The following MROH9 variants were observed in gnomAD, a reference collection of about 807,000 sequenced individuals.
MROH9 encodes maestro heat like repeat family member 9.
In MROH9, 92 loss-of-function variants were observed where a neutral mutation model predicts 98.2. The ratio of observed to expected loss-of-function variants is 0.94; its 90% CI spans 0.79 to 1.11. The LOEUF (loss-of-function observed/expected upper bound fraction) is 1.11. MROH9 is among the 50% of genes most tolerant of loss of function. MROH9 has a pLI of 0.00. For missense variants in MROH9, 1,057 were observed against 1,014.8 expected (o/e 1.04, Z -0.57); for synonymous variants, 397 against 368.9 (o/e 1.08, Z -0.87).
chr1:170,999,245 G>C lies in MROH9; in HGVS notation c.1596+971G>C, dbSNP rs561483394. Among the ~76,000 whole-genome samples the C allele has an allele frequency of 2.0e-5, 3 of 152,080 alleles. No homozygotes were observed. The South Asian group carries it at 6.2e-4, about 32-fold the overall frequency. ...TAAATTCTTTAGTGGTGATTTGTGA[G>C]ATTTTGATGCACCCATCACCTGAGC... is the stretch of plus-strand genomic sequence containing the variant. On this transcript the variant is annotated intron_variant, in intron 15 of 21. Coordinates refer to ENST00000367759, the MANE Select transcript of MROH9 (RefSeq NM_001163629.2).
intron 20 of MROH9, among the ~76,000 whole-genome samples, chr1:171,032,241 A>G (rs1652941167): frequency 6.6e-6 from 1 of 152,172 alleles, no homozygotes; most frequent in Non-Finnish European, 1.5e-5. Context: ...TTAGTGCAGC[A>G]TAGTTTTTTA....
chr1:170,962,224 T>A (rs11484829), intron 6 of MROH9, among the ~76,000 whole-genome samples: 13,389 of 152,142 alleles, frequency 0.088, 1,859 homozygotes, highest in African/African-American at 0.3. Flanking sequence ...CATGTGGTGA[T>A]ATATGGGTGA....
chr1:170,990,081 T>A (rs1651297732), intron 11 of MROH9, 78 bp downstream of exon 11: 6 of 1,421,894 alleles, frequency 4.2e-6, no homozygotes, highest in South Asian at 1.5e-5. Context: ...TGGGTTCAAC[T>A]CTCAATCTAC....
intron 5 of MROH9, among the ~76,000 whole-genome samples, chr1:170,960,346 A>C (rs1331655820): frequency 2.0e-5 from 3 of 152,202 alleles, no homozygotes; most frequent in African/African-American, 7.2e-5. Flanking sequence ...ACTGGTGAAG[A>C]CCACTCTGGT....
chr1:170,989,164 C>G (rs1651258715), intron 10 of MROH9, among the ~76,000 whole-genome samples: 1 of 151,878 alleles, frequency 6.6e-6, no homozygotes, highest in Non-Finnish European at 1.5e-5. Context: ...AATTTATGAT[C>G]CAGGATCACA....
intron 1 of MROH9, among the ~76,000 whole-genome samples, chr1:170,939,847 G>A (rs1649051972): frequency 1.3e-5 from 2 of 152,172 alleles, no homozygotes; most frequent in Non-Finnish European, 2.9e-5. Context: ...CTAACTATCT[G>A]CAGAGGAGAG....
At chr1:170,940,889 G>A (rs60448782) in intron 1 of MROH9, among the ~76,000 whole-genome samples, 8,996 of 152,038 alleles carry the variant, frequency 0.059, 870 homozygotes, top group African/African-American at 0.2. Context: ...GGCTTTTCTC[G>A]CCATAATATC....
chr1:170,992,234 T>G lies in MROH9; in HGVS notation c.1099T>G (p.Leu367Val). ...SVAPHVLKTI[L>V]LILKGKPGEM... ...GGCCCCTCACGTGCTGAAGACAATC[T>G]TATTGATACTGAAAGGAAAGCCTGG... is the stretch of plus-strand genomic sequence containing the variant. The change falls in exon 12 of 22, where the codon TTA becomes GTA. Residue 367 changes from leucine to valine, a missense_variant. By Grantham distance (32) the Leu-to-Val change is conservative (BLOSUM62 1). Coordinates refer to ENST00000367759, the MANE Select transcript of MROH9 (RefSeq NM_001163629.2). The G allele has an allele frequency of 1.2e-6, 2 of 1,613,588 alleles. No individual in the cohort carries two copies. Among genetic ancestry groups the G allele is most frequent in the African/African-American group, 1.3e-5 (1 of 75,008 alleles).
intron 17 of MROH9, among the ~76,000 whole-genome samples, chr1:171,021,411 T>G (rs188931114): frequency 4.0e-4 from 61 of 151,978 alleles, no homozygotes; most frequent in African/African-American, 1.4e-3. Context: ...CCAAAACAGG[T>G]ATATAGACCA....
chr1:171,036,270 T>G (rs1653095335), intron 20 of MROH9, among the ~76,000 whole-genome samples: 1 of 152,154 alleles, frequency 6.6e-6, no homozygotes, highest in Non-Finnish European at 1.5e-5. Flanking sequence ...TAATGTCTTG[T>G]GTCTTGACCT....
At chr1:170,978,007 G>A (rs1196247256) in intron 8 of MROH9, among the ~76,000 whole-genome samples, 1 of 152,178 alleles carries the variant, frequency 6.6e-6, no homozygotes, top group Non-Finnish European at 1.5e-5. Flanking sequence ...TGCAGATTAG[G>A]TATTTACAGT....
At chr1:171,058,250 A>G (rs1317876574) in intron 20 of MROH9, among the ~76,000 whole-genome samples, 1 of 152,082 alleles carries the variant, frequency 6.6e-6, no homozygotes, top group Non-Finnish European at 1.5e-5. Context: ...ATCACTACAA[A>G]GAGAATAAAA....
At chr1:170,942,365 GTAGACACA>G (rs1285178853) in intron 1 of MROH9, among the ~76,000 whole-genome samples, 1 of 112,526 alleles carries the variant, frequency 8.9e-6, no homozygotes, top group Non-Finnish European at 1.8e-5. Context: ...GCAATGTAGA[GTAGACACA>G]CACACACACA....
intron 20 of MROH9, among the ~76,000 whole-genome samples, chr1:171,057,992 C>A (rs532102670): frequency 1.3e-5 from 2 of 152,086 alleles, no homozygotes; most frequent in East Asian, 1.9e-4. Context: ...AAAATATATT[C>A]TTTCAGGCAA....
intron 7 of MROH9, among the ~76,000 whole-genome samples, chr1:170,967,313 A>G (rs1212368958): frequency 6.6e-6 from 1 of 152,178 alleles, no homozygotes; most frequent in Admixed American, 6.6e-5. Context: ...AGCTCATCAC[A>G]ATCAGGGAAG....
chr1:171,002,868 C>T (rs1006913453), intron 15 of MROH9, among the ~76,000 whole-genome samples: 2 of 152,036 alleles, frequency 1.3e-5, no homozygotes, highest in Non-Finnish European at 2.9e-5. Flanking sequence ...TTAGAATTGT[C>T]TTCTTCCTCA....
At chr1:171,055,540 T>C (rs1307373731) in intron 20 of MROH9, among the ~76,000 whole-genome samples, 3 of 147,270 alleles carry the variant, frequency 2.0e-5, no homozygotes, top group Admixed American at 6.9e-5. Flanking sequence ...GTAGAATCGC[T>C]AGAATCTGGG....
intron 17 of MROH9, among the ~76,000 whole-genome samples, chr1:171,020,150 G>T (rs1162810352): frequency 2.6e-5 from 4 of 151,958 alleles, no homozygotes; most frequent in Non-Finnish European, 5.9e-5. Context: ...AAAAAGCTCA[G>T]GACCAGGATT....
At position 170,992,313 on chromosome 1, in the gene MROH9, A is replaced by C. The variant is rs374769248; in HGVS notation, c.1178A>C (p.Asn393Thr). The C allele has an allele frequency of 1.1e-5, 18 of 1,612,996 alleles. No homozygotes were observed. Among genetic ancestry groups the C allele is most frequent in the African/African-American group, 1.3e-5 (1 of 74,948 alleles). Residue 393 changes from asparagine to threonine, a missense_variant, in exon 12 of 22, where the codon AAC becomes ACC. Asn to Thr is a moderately conservative substitution (Grantham distance 65). Transcript: ENST00000367759. ...AAACGTTTCTCTCTTGATATTACCA[A>C]CTTGATGCCTTTGGCGGTAAATAAC... ...EGKRFSLDIT[N>T]LMPLAACQAL...
Sources: gnomAD v4.1 joint callset for allele counts (sites outside exome capture counted in the v4.1 genomes callset) on GRCh38, gnomAD v4.1.1 for gene constraint, MANE v1.5 for transcripts, NCBI Gene and HGNC (gene_info 2026-07-23, HGNC 2026-07-21) for gene names.